The following DNAH17 variants were observed in gnomAD, a reference collection of about 807,000 sequenced individuals.
The protein encoded by DNAH17 is dynein axonemal heavy chain 17.
In DNAH17, 376 loss-of-function variants were observed where a neutral mutation model predicts 485.6. The observed-to-expected ratio is 0.77, with a 90% CI of 0.71 to 0.84. DNAH17 has a LOEUF of 0.84. DNAH17 is among the 40% of genes least tolerant of loss of function. The pLI is 0.00. For synonymous variants in DNAH17, 3,031 were observed against 2,405.9 expected, an observed-to-expected ratio of 1.26 and a Z score of -7.60; for missense variants, 6,370 against 5,839.3, an observed-to-expected ratio of 1.09 and a Z score of -2.96.
chr17:78,559,190 C>T (rs1225188154), intron 13 of DNAH17, among the ~76,000 whole-genome samples: 3 of 152,246 alleles, frequency 2.0e-5, no homozygotes, highest in Non-Finnish European at 4.4e-5. Flanking sequence ...CAAGTACCAT[C>T]TCTGTGTGGG....
At position 78,499,091 on chromosome 17, in the gene DNAH17, C is replaced by T; in HGVS notation, c.5662G>A (p.Gly1888Ser). The change falls in exon 37 of 81, where the codon GGC (glycine) becomes AGC (serine). Residue 1888 changes from glycine (G) to serine (S), a missense_variant. By Grantham distance (56) the Gly-to-Ser change is moderately conservative (BLOSUM62 0). Transcript: ENST00000389840. Reference sequence around the variant, plus strand: ...CCCCAGGCTCCCGTCTGGGCCAGGCCCTTGTAGATATTTCCACAGGACTGG... The same window carrying T: ...CCCCAGGCTCCCGTCTGGGCCAGGCTCTTGTAGATATTTCCACAGGACTGG... ...DYKSCGNIYK[G>S]LAQTGAWGCF... 6.2e-7 allele frequency: 1 copy of T among 1,603,142 alleles called. No homozygotes were observed. Among genetic ancestry groups the T allele is most frequent in the Non-Finnish European group, 8.5e-7 (1 of 1,175,148 alleles).
At position 78,512,041 on chromosome 17, in the gene DNAH17, G is replaced by A. The variant is rs949479023; in HGVS notation, c.4114-1535C>T. On this transcript the variant is annotated intron_variant, in intron 26 of 80. Coordinates refer to ENST00000389840, the MANE Select transcript of DNAH17 (RefSeq NM_173628.4). ...CCTTCCTTGGGCCTAGGGAGCAGAAGGGCCCTGGACAGTGTGGTGGGGGCG... is the reference window on the plus strand; with the variant it reads ...CCTTCCTTGGGCCTAGGGAGCAGAAAGGCCCTGGACAGTGTGGTGGGGGCG... 3.9e-5 allele frequency among the ~76,000 whole-genome samples: 6 copies of A among 152,204 alleles called. No individual in the cohort carries two copies. The East Asian group carries it at 1.2e-3, about 29-fold the overall frequency.
intron 13 of DNAH17, among the ~76,000 whole-genome samples, chr17:78,559,345 C>A (rs1413109593): frequency 6.6e-6 from 1 of 152,244 alleles, no homozygotes; most frequent in African/African-American, 2.4e-5. Flanking sequence ...CCATCCTCCC[C>A]TGTGGCCTCT....
rs767272555 is a variant in DNAH17 at position 78,445,680 on chromosome 17, C to T, written c.11212G>A (p.Val3738Ile). 2.5e-6 allele frequency: 4 copies of T among 1,589,988 alleles called. No individual in the cohort carries two copies. The highest frequency in any genetic ancestry group is 1.7e-4 in the Middle Eastern group (1 of 6,028). The change falls in exon 70 of 81, where the codon GTC (valine) becomes ATC (isoleucine). Residue 3738 changes from valine (V) to isoleucine (I), a missense_variant and splice_region_variant. By Grantham distance (29) the Val-to-Ile change is conservative. Transcript: ENST00000389840. Reference sequence around the variant, plus strand: ...TTCAGCTCCTTCTTCATGGACAGGACCTGGGGGAACATCGAGGTGTACACA... The same window carrying T: ...TTCAGCTCCTTCTTCATGGACAGGATCTGGGGGAACATCGAGGTGTACACA... ...LIFLAQVTFQVLSMKKELNPV... is the reference protein window; with the variant it reads ...LIFLAQVTFQILSMKKELNPV...
chr17:78,531,629 C>T (rs1340035325), intron 20 of DNAH17, among the ~76,000 whole-genome samples: 1 of 152,198 alleles, frequency 6.6e-6, no homozygotes, highest in South Asian at 2.1e-4. Context: ...TGAGCCACCA[C>T]GCCCGGCCGA....
chr17:78,527,038 T>C, intron 22 of DNAH17, 42 bp from the exon 23 acceptor site: 1 of 1,473,976 alleles, frequency 6.8e-7, no homozygotes, highest in Non-Finnish European at 9.2e-7. Context: ...TTCTCATTTC[T>C]TTTCTTAAAC....
In DNAH17 at chr17:78,429,733, A is replaced by C. The variant is rs548648640; in HGVS notation, c.12226-433T>G. Among the ~76,000 whole-genome samples the C allele has an allele frequency of 3.3e-5, 5 of 152,138 alleles. No homozygotes were observed. In the South Asian group the frequency reaches 1.0e-3, roughly 32 times the overall value. On this transcript the variant is annotated intron_variant, in intron 75 of 80. Transcript: ENST00000389840. ...CTGCCCTTCACGGTCCAATTTCAAC[A>C]CAAGTGGTTTGATTCTGTGTGGCTC...
intron 56 of DNAH17, among the ~76,000 whole-genome samples, chr17:78,466,420 C>G (rs2088459002): frequency 6.6e-6 from 1 of 151,784 alleles, no homozygotes; most frequent in Non-Finnish European, 1.5e-5. Flanking sequence ...GTGAGAAACA[C>G]CCAAGAATTA....
Position 78,495,939 on chromosome 17 carries a change from T to C in DNAH17, c.5839A>G (p.Ile1947Val). The change falls in exon 38 of 81, where the codon ATC (isoleucine) becomes GTC (valine). Residue 1947 changes from isoleucine to valine, a missense_variant. Coordinates refer to ENST00000389840, the MANE Select transcript of DNAH17 (RefSeq NM_173628.4). The part of the protein sequence containing the change: ...IGLIPTVGIF[I>V]TMNPGYAGRA... ...CCGGCGTACCCAGGGTTCATGGTGA[T>C]GAAGATACCGACGGTGGGAATGAGG... 5.6e-6 allele frequency: 9 copies of C among 1,613,996 alleles called. No individual in the cohort carries two copies. The highest frequency in any genetic ancestry group is 7.6e-6 in the Non-Finnish European group (9 of 1,179,888).
chr17:78,568,331 C>A (rs1012957700), intron 9 of DNAH17, among the ~76,000 whole-genome samples: 1 of 152,134 alleles, frequency 6.6e-6, no homozygotes, highest in Non-Finnish European at 1.5e-5. Flanking sequence ...GGGCCTCCCT[C>A]CCCTGCCCCC....
intron 74 of DNAH17, among the ~76,000 whole-genome samples, chr17:78,434,904 G>C (rs1419477960): frequency 1.3e-5 from 2 of 152,206 alleles, no homozygotes; most frequent in African/African-American, 4.8e-5. Context: ...TGTGTGGGGG[G>C]AGGGCTTCAG....
intron 9 of DNAH17, among the ~76,000 whole-genome samples, chr17:78,567,928 T>C (rs967851162): frequency 2.6e-5 from 4 of 152,170 alleles, no homozygotes; most frequent in African/African-American, 9.7e-5. Flanking sequence ...AGGCAGAGTT[T>C]AGACTGGAGA....
rs371926643 is a variant in DNAH17 at position 78,561,840 on chromosome 17, G to A, written c.1710C>T (p.Ser570=). Residue 570 remains serine, a synonymous_variant, in exon 12 of 81, where the codon TCC becomes TCT. Coordinates refer to ENST00000389840, the MANE Select transcript of DNAH17 (RefSeq NM_173628.4). ...KILYDAQMAA[S]EEGNIPLIHK... ...GGATCAGGGGGATGTTCCCCTCCTC[G>A]GAGGCCGCCATCTGGGCATCGTACA... 35 of 1,613,798 alleles carry A rather than the reference G, an allele frequency of 2.2e-5. No homozygotes were observed. Among genetic ancestry groups the A allele is most frequent in the East Asian group, 4.5e-5 (2 of 44,880 alleles).
intron 16 of DNAH17, among the ~76,000 whole-genome samples, chr17:78,546,091 G>A (rs144198419): frequency 4.5e-4 from 68 of 152,014 alleles, no homozygotes; most frequent in Non-Finnish European, 4.7e-4. Context: ...ATCCTCCCAC[G>A]TCAGCCTCCA....
At chr17:78,430,526 G>A (rs908838002) in intron 75 of DNAH17, among the ~76,000 whole-genome samples, 12 of 152,140 alleles carry the variant, frequency 7.9e-5, no homozygotes, top group African/African-American at 2.9e-4. Flanking sequence ...AGAATCAGTT[G>A]ATGAATCAAT....
chr17:78,462,770 C>T lies in DNAH17; in HGVS notation c.9174+74G>A, dbSNP rs2088201500. ...CCCCAGTGTGACCAGCCCGTGGATG[C>T]CTGTGACAGTAGCAGCTCCTGCGAG... On this transcript the variant is annotated intron_variant, in intron 57 of 80. Coordinates refer to ENST00000389840, the MANE Select transcript of DNAH17 (RefSeq NM_173628.4). The T allele has an allele frequency of 1.1e-5, 16 of 1,471,238 alleles. No individual in the cohort carries two copies. In the East Asian group the frequency reaches 3.7e-4, roughly 34 times the overall value. 91.1% of individuals were successfully genotyped at this position (1,471,238 alleles called of 1,614,324 possible).
chr17:78,444,344 T>C (rs1473189539), intron 71 of DNAH17, among the ~76,000 whole-genome samples: 1 of 152,196 alleles, frequency 6.6e-6, no homozygotes, highest in Non-Finnish European at 1.5e-5. Flanking sequence ...CCCCTAATGA[T>C]ACTCTGAGAC....
chr17:78,472,994 G>A (rs1296558840), intron 54 of DNAH17, among the ~76,000 whole-genome samples: 1 of 152,158 alleles, frequency 6.6e-6, no homozygotes, highest in African/African-American at 2.4e-5. Context: ...CTGTCCTCCA[G>A]GGTCCACCCT....
intron 14 of DNAH17, among the ~76,000 whole-genome samples, chr17:78,554,889 G>A (rs558007884): frequency 6.6e-6 from 1 of 152,172 alleles, no homozygotes. Context: ...TGGAACTACA[G>A]GCGCCCACCA....
Sources: allele counts gnomAD v4.1 joint callset (sites outside exome capture counted in the v4.1 genomes callset), GRCh38; gene constraint gnomAD v4.1.1; transcripts MANE v1.5; gene names NCBI Gene and HGNC (gene_info 2026-07-23, HGNC 2026-07-21).